The following CETN3 variants were observed in gnomAD, a reference collection of about 807,000 sequenced individuals.
CETN3 encodes centrin-3.
A neutral mutation model predicts 20.1 loss-of-function variants in CETN3; 17 were observed. The observed-to-expected ratio is 0.85, with a 90% CI of 0.58 to 1.27. The LOEUF is 1.27. Among genes scored for constraint, CETN3 ranks in the 50% most tolerant of loss-of-function variants. CETN3 has a pLI of 0.00. For synonymous variants in CETN3, 52 were observed against 59.7 expected (o/e 0.87, Z 0.59); for missense variants, 169 against 191.2 (o/e 0.88, Z 0.69).
At chr5:90,407,145 T>C (rs886574155) in intron 2 of CETN3, among the ~76,000 whole-genome samples, 6 of 152,030 alleles carry the variant, frequency 3.9e-5, no homozygotes, top group African/African-American at 1.4e-4. Context: ...TCTCTCCTTA[T>C]ACCCTGACAA....
At position 90,409,698 on chromosome 5, in the gene CETN3, T is replaced by C. The variant is rs766130292; in HGVS notation, c.-37A>G. The C allele has an allele frequency of 1.9e-6, 3 of 1,613,948 alleles. No individual in the cohort carries two copies. The highest frequency in any genetic ancestry group is 2.2e-5 in the South Asian group (2 of 91,078). ...ACAGAGACGTTCCTCTCAAGAACGA[T>C]TTTAACCCCCTACCCAAGGCAGCAA... On this transcript the variant is annotated 5_prime_UTR_variant, in exon 1 of 5. Transcript: ENST00000283122.
At chr5:90,405,565 A>C (rs986704438) in intron 3 of CETN3, 120 bp downstream of exon 3, 2 of 657,736 alleles carry the variant, frequency 3.0e-6, no homozygotes, top group South Asian at 3.7e-5. Context: ...TAAGAGTCAC[A>C]TTATACACCA....
intron 3 of CETN3, among the ~76,000 whole-genome samples, chr5:90,403,021 TGACTTATGTTAGTCTTAAA>T (rs1439660044): frequency 6.6e-6 from 1 of 152,256 alleles, no homozygotes; most frequent in Admixed American, 6.5e-5. Flanking sequence ...TACAAACGTT[TGACTTATGTTAGTCTTAAA>T]GACACTAATT....
chr5:90,406,563 A>C (rs1749449519), intron 2 of CETN3, among the ~76,000 whole-genome samples: 1 of 151,894 alleles, frequency 6.6e-6, no homozygotes, highest in Non-Finnish European at 1.5e-5. Context: ...AAATGAAAAA[A>C]GTAGTTGGTG....
intron 3 of CETN3, among the ~76,000 whole-genome samples, chr5:90,405,086 G>A (rs1272703923): frequency 6.6e-6 from 1 of 152,112 alleles, no homozygotes; most frequent in African/African-American, 2.4e-5. Context: ...GGTGGTACTA[G>A]GATGTTTTCT....
intron 3 of CETN3, among the ~76,000 whole-genome samples, chr5:90,403,643 G>T (rs549443970): frequency 6.6e-6 from 1 of 151,730 alleles, no homozygotes; most frequent in East Asian, 1.9e-4. Context: ...AGGCCGAGGC[G>T]GGCGGATCAC....
In CETN3 at chr5:90,393,492, G is replaced by C. The variant is rs549124952; in HGVS notation, c.*572C>G. The stretch of plus-strand genomic sequence containing the variant: ...TTATTCCTTCTAAACTCAAAGACAG[G>C]ACTCTTAAAAAAGGAATTAGGCTTA... On this transcript the variant is annotated 3_prime_UTR_variant, in exon 5 of 5. Transcript: ENST00000283122. The C allele has an allele frequency of 2.6e-4, 40 of 152,156 alleles. No homozygotes were observed. The highest frequency in any genetic ancestry group is 9.4e-4 in the African/African-American group (39 of 41,474). The allele number at this position is 152,156 out of a possible 1,614,324, so 9.4% of individuals were successfully genotyped here.
chr5:90,400,668 C>A (rs780606684), intron 3 of CETN3, among the ~76,000 whole-genome samples: 3 of 150,300 alleles, frequency 2.0e-5, no homozygotes, highest in African/African-American at 7.3e-5. Flanking sequence ...AAAATACAAT[C>A]GAAGTCTCCA....
In CETN3 at chr5:90,392,393, A is replaced by G. The variant is rs1468633596; in HGVS notation, c.*1671T>C. On this transcript the variant is annotated 3_prime_UTR_variant, in exon 5 of 5. Coordinates refer to ENST00000283122, the MANE Select transcript of CETN3 (RefSeq NM_004365.4). Reference sequence around the variant, plus strand: ...TGTTGCCCTGAATATAATGACTGTGACCATTGAATTTGTATTCAAAATTAA... The same window carrying G: ...TGTTGCCCTGAATATAATGACTGTGGCCATTGAATTTGTATTCAAAATTAA... 1 of 152,152 alleles carries G rather than the reference A, an allele frequency of 6.6e-6. No homozygotes were observed. Among genetic ancestry groups the G allele is most frequent in the African/African-American group, 2.4e-5 (1 of 41,420 alleles). 9.4% of individuals were successfully genotyped at this position (152,152 alleles called of 1,614,324 possible).
At chr5:90,396,348 A>G in intron 4 of CETN3, 2 of 1,340,044 alleles carry the variant, frequency 1.5e-6, no homozygotes, top group South Asian at 4.2e-5. Flanking sequence ...TACTTTCAAG[A>G]ATCTTACAAA....
intron 4 of CETN3, chr5:90,399,058 T>C (rs919419747): frequency 2.0e-6 from 1 of 500,944 alleles, no homozygotes; most frequent in Admixed American, 3.6e-5. Flanking sequence ...GGAAAATCAA[T>C]AGAACTTAGA....
intron 4 of CETN3, among the ~76,000 whole-genome samples, chr5:90,395,130 T>C (rs1749108783): frequency 1.3e-5 from 2 of 152,200 alleles, no homozygotes; most frequent in African/African-American, 4.8e-5. Context: ...AACTATGAGA[T>C]GATGTTTTAG....
intron 4 of CETN3, 144 bp downstream of exon 4, chr5:90,399,214 A>G (rs1013325266): frequency 7.4e-6 from 5 of 676,450 alleles, no homozygotes; most frequent in African/African-American, 3.6e-5. Context: ...TCTAAATTGA[A>G]TATGTGAATT....
chr5:90,405,063 A>G (rs927633279), intron 3 of CETN3, among the ~76,000 whole-genome samples: 1 of 152,154 alleles, frequency 6.6e-6, no homozygotes, highest in Non-Finnish European at 1.5e-5. Flanking sequence ...CCTATGACAC[A>G]TTATCTTCAG....
At chr5:90,396,508 C>T in intron 4 of CETN3, 1 of 1,533,370 alleles carries the variant, frequency 6.5e-7, no homozygotes, top group South Asian at 1.2e-5. Context: ...CTGAAGAACT[C>T]CCGATTTAGA....
chr5:90,394,178 T>C, intron 4 of CETN3, 71 bp from the exon 5 acceptor site: 1 of 1,013,868 alleles, frequency 9.9e-7, no homozygotes, highest in Non-Finnish European at 1.5e-6. Context: ...ACGACTACCA[T>C]TTTACACTAA....
In CETN3 at chr5:90,407,789, T is replaced by C. The variant is rs765904940; in HGVS notation, c.63A>G (p.Glu21=). Residue 21 remains glutamate, a synonymous_variant, in exon 2 of 5, where the codon GAA becomes GAG. Transcript: ENST00000283122. ...TTTCTTGTTTCTGTTCCTCAGACAG[T>C]TCTCTTCTTTTTTTCCTCTTTGTTT... ...VDKTKRKKRR[E]LSEEQKQEIK... is the part of the protein sequence containing the mutation. 7 of 1,602,788 alleles carry C rather than the reference T, an allele frequency of 4.4e-6. No homozygotes were observed. In the South Asian group the frequency reaches 7.9e-5, roughly 18 times the overall value.
At chr5:90,402,538 A>G (rs563973676) in intron 3 of CETN3, among the ~76,000 whole-genome samples, 1 of 152,250 alleles carries the variant, frequency 6.6e-6, no homozygotes, top group South Asian at 2.1e-4. Flanking sequence ...AATCTTACTC[A>G]CATTTCCAAA....
chr5:90,400,588 TAAAA>T (rs200830960), intron 3 of CETN3, among the ~76,000 whole-genome samples: 1 of 116,452 alleles, frequency 8.6e-6, no homozygotes, highest in Non-Finnish European at 1.8e-5. Context: ...ACAGAATCAT[TAAAA>T]AAAAAAAAAA....
Sources: gnomAD v4.1 joint callset for allele counts (sites outside exome capture counted in the v4.1 genomes callset) on GRCh38, gnomAD v4.1.1 for gene constraint, MANE v1.5 for transcripts, NCBI Gene and HGNC (gene_info 2026-07-23, HGNC 2026-07-21) for gene names.